Variants in MAP3K4 observed in about 807,000 individuals in gnomAD.
MAP3K4 encodes mitogen-activated protein kinase kinase kinase 4, also known as MAP three kinase 1.
MAP3K4 carries 67 observed loss-of-function variants against 185.6 expected under a neutral mutation model. The observed-to-expected ratio is 0.36, with a 90% CI of 0.30 to 0.44. The LOEUF (loss-of-function observed/expected upper bound fraction) is 0.44. Ranked by LOEUF, MAP3K4 falls within the 20% of genes least tolerant of loss-of-function variation. The pLI, the probability that MAP3K4 is intolerant of heterozygous loss-of-function variation, is 1.00. For missense variants in MAP3K4, 1,551 were observed against 1,995.1 expected, an observed-to-expected ratio of 0.78 and a Z score of 4.24; for synonymous variants, 702 against 710.4, an observed-to-expected ratio of 0.99 and a Z score of 0.19.
chr6:161,013,003 A>C (rs575804157), intron 1 of MAP3K4, among the ~76,000 whole-genome samples: 152 of 152,310 alleles, frequency 1.0e-3, no homozygotes, highest in African/African-American at 3.5e-3. Context: ...GGTACATACC[A>C]CAAGCTTTTC....
chr6:161,006,646 C>G (rs985451132), intron 1 of MAP3K4, among the ~76,000 whole-genome samples: 1 of 152,128 alleles, frequency 6.6e-6, no homozygotes, highest in Non-Finnish European at 1.5e-5. Context: ...GAATTGAGCT[C>G]TCTCCTTTAA....
At chr6:161,055,030 C>G (rs1784171752) in intron 3 of MAP3K4, among the ~76,000 whole-genome samples, 1 of 152,132 alleles carries the variant, frequency 6.6e-6, no homozygotes, top group South Asian at 2.1e-4. Flanking sequence ...TTCCACCTTG[C>G]TGTAATACCA....
chr6:161,018,631 A>G (rs552635027), intron 1 of MAP3K4, among the ~76,000 whole-genome samples: 70 of 152,322 alleles, frequency 4.6e-4, no homozygotes, highest in Non-Finnish European at 9.1e-4. Context: ...GAAGACAGTA[A>G]AATCCAGGTA....
At position 161,073,674 on chromosome 6, in the gene MAP3K4, C is replaced by G; in HGVS notation, c.2097+62C>G. On this transcript the variant is annotated intron_variant, in intron 5 of 26. Transcript: ENST00000392142. The surrounding 1 kb of genome is among the most constrained non-coding windows in gnomAD (Gnocchi z 4.2). ...TTGTTTCTTTTTTTAAAAAAGTAAG[C>G]CTGTATTTCCTTGTTTTGCAAACAG... 1 of 1,539,082 alleles carries G rather than the reference C, an allele frequency of 6.5e-7. No homozygotes were observed. Among genetic ancestry groups the G allele is most frequent in the Non-Finnish European group, 8.8e-7 (1 of 1,138,088 alleles).
At chr6:160,992,478 C>T (rs947211839) in intron 1 of MAP3K4, 3 of 228,324 alleles carry the variant, frequency 1.3e-5, no homozygotes, top group African/African-American at 2.3e-5. Context: ...CCTCTGCCCT[C>T]ATTCGAGTAA....
chr6:161,002,519 A>G (rs919560062), intron 1 of MAP3K4, among the ~76,000 whole-genome samples: 4 of 151,166 alleles, frequency 2.6e-5, no homozygotes, highest in Non-Finnish European at 5.9e-5. Flanking sequence ...TGTATCTATT[A>G]TGGAAAACTA....
rs1213557039 is a variant in MAP3K4, at chr6:161,080,107, G to T, written c.2098-774G>T. On this transcript the variant is annotated intron_variant, in intron 5 of 26. Coordinates refer to ENST00000392142, the MANE Select transcript of MAP3K4 (RefSeq NM_005922.4). The surrounding 1 kb of genome is among the most constrained non-coding windows in gnomAD (Gnocchi z 4.8). Reference sequence around the variant, plus strand: ...CTGAGTCACACTCGGGGTTGGAAGGGAGTGGAGTGATGTCTGAAAAGTTCC... The same window carrying T: ...CTGAGTCACACTCGGGGTTGGAAGGTAGTGGAGTGATGTCTGAAAAGTTCC... Among the ~76,000 whole-genome samples, 5 of 152,168 alleles carry T rather than the reference G, an allele frequency of 3.3e-5. No individual in the cohort carries two copies. The highest frequency in any genetic ancestry group is 5.9e-5 in the Non-Finnish European group (4 of 68,030).
intron 3 of MAP3K4, among the ~76,000 whole-genome samples, chr6:161,052,999 A>G (rs1784074272): frequency 6.6e-6 from 1 of 152,176 alleles, no homozygotes; most frequent in African/African-American, 2.4e-5. Context: ...GCTGAAAAAG[A>G]TAGGCGGTAA....
At chr6:161,050,982 T>C (rs1178304651) in intron 3 of MAP3K4, among the ~76,000 whole-genome samples, 2 of 152,230 alleles carry the variant, frequency 1.3e-5, no homozygotes, top group Non-Finnish European at 2.9e-5. Context: ...TGATGCAGTA[T>C]TTGCATATAA....
At position 161,109,134 on chromosome 6, in the gene MAP3K4, C is replaced by A; in HGVS notation, c.4236+275C>A. The A allele has an allele frequency of 2.5e-6, 2 of 816,026 alleles. No homozygotes were observed. Among genetic ancestry groups the A allele is most frequent in the South Asian group, 1.5e-5 (1 of 66,186 alleles). 50.5% of individuals were successfully genotyped at this position (816,026 alleles called of 1,614,324 possible). On this transcript the variant is annotated intron_variant, in intron 22 of 26. Coordinates refer to ENST00000392142, the MANE Select transcript of MAP3K4 (RefSeq NM_005922.4). The surrounding 1 kb of genome is among the most constrained non-coding windows in gnomAD (Gnocchi z 5.7). ...GATTCTTCTAAAACGCCCCTTACAC[C>A]ACTTCTTGTGACTTTTTTTCCGTTT...
intron 1 of MAP3K4, among the ~76,000 whole-genome samples, chr6:161,029,832 G>T (rs1030880760): frequency 1.3e-5 from 2 of 152,014 alleles, no homozygotes; most frequent in Non-Finnish European, 2.9e-5. Context: ...TGGATTTTGT[G>T]TATAAGTGTT....
Position 161,096,002 on chromosome 6 carries a change from C to A in MAP3K4, c.3428-1078C>A, listed in dbSNP as rs1189303538. ...TTGCTCAATTAAAGACTCACCAAAT[C>A]TTTTGTTTTTTTTTAACCTTTGTTA... On this transcript the variant is annotated intron_variant, in intron 15 of 26. Transcript: ENST00000392142. This position sits in a 1 kb window ranked among gnomAD's most constrained non-coding sequence, Gnocchi z 4.9. Among the ~76,000 whole-genome samples, 1 of 151,926 alleles carries A rather than the reference C, an allele frequency of 6.6e-6. No individual in the cohort carries two copies. Among genetic ancestry groups the A allele is most frequent in the African/African-American group, 2.4e-5 (1 of 41,368 alleles).
At position 161,102,755 on chromosome 6, in the gene MAP3K4, C is replaced by A. The variant is rs755068149; in HGVS notation, c.3832C>A (p.Arg1278=). The change falls in exon 19 of 27, where the codon CGG becomes AGG. Residue 1278 remains arginine (R), a synonymous_variant. Transcript: ENST00000392142. ...SGSTRRSWEL[R]TLISQSKDTA... ...GTCCACAAGAAGAAGTTGGGAACTTCGGACACTAATCAGCCAGAGTAAAGG... is the reference window on the plus strand; with the variant it reads ...GTCCACAAGAAGAAGTTGGGAACTTAGGACACTAATCAGCCAGAGTAAAGG... 1 of 1,580,818 alleles carries A rather than the reference C, an allele frequency of 6.3e-7. No homozygotes were observed. Among genetic ancestry groups the A allele is most frequent in the East Asian group, 2.3e-5 (1 of 43,600 alleles).
rs550673266 is a variant in MAP3K4 at position 161,043,948 on chromosome 6, C to T, written c.344-4668C>T. On this transcript the variant is annotated intron_variant, in intron 2 of 26. Transcript: ENST00000392142. This position sits in a 1 kb window ranked among gnomAD's most constrained non-coding sequence, Gnocchi z 4.3. ...AATTGCAAGAGTTTGATTAAAAATA[C>T]AATTAATACATATTCTAAAGAGCCA... 1.3e-5 allele frequency among the ~76,000 whole-genome samples: 2 copies of T among 152,234 alleles called. No homozygotes were observed. The highest frequency in any genetic ancestry group is 4.8e-5 in the African/African-American group (2 of 41,544).
rs751708483 is a variant in MAP3K4 at position 160,992,024 on chromosome 6, G to GCCA, written c.99_101dup (p.Pro36dup). On this transcript the variant is annotated inframe_insertion, in exon 1 of 27. Transcript: ENST00000392142. ...AGGAGCCGCCGCCACCGCCGCCGCC[G>GCCA]CCACCACCGCCACCGGAACCCGAGA... 107 of 1,556,856 alleles carry GCCA rather than the reference G, an allele frequency of 6.9e-5. No homozygotes were observed. In the South Asian group the frequency reaches 1.0e-3, roughly 15 times the overall value.
In MAP3K4 at chr6:161,100,456, T is replaced by C. The variant is rs535736902; in HGVS notation, c.3675-1436T>C. ...GGAAATATCTGTTCTGGGCTTAAGT[T>C]ATCTTATCATCGTTTGTAAAAACAC... On this transcript the variant is annotated intron_variant, in intron 17 of 26. Coordinates refer to ENST00000392142, the MANE Select transcript of MAP3K4 (RefSeq NM_005922.4). The surrounding 1 kb of genome is among the most constrained non-coding windows in gnomAD (Gnocchi z 5.8). 6.6e-6 allele frequency among the ~76,000 whole-genome samples: 1 copy of C among 152,358 alleles called. No homozygotes were observed. The highest frequency in any genetic ancestry group is 2.1e-4 in the South Asian group (1 of 4,826).
intron 1 of MAP3K4, among the ~76,000 whole-genome samples, chr6:161,005,290 C>A (rs1278216111): frequency 2.6e-5 from 4 of 151,976 alleles, no homozygotes; most frequent in Non-Finnish European, 5.9e-5. Context: ...AGGCACATGC[C>A]ACCATGCGTG....
In MAP3K4 at chr6:161,091,308, C is replaced by A; in HGVS notation, c.2974-71C>A. On this transcript the variant is annotated intron_variant, in intron 11 of 26. Transcript: ENST00000392142. The surrounding 1 kb of genome is among the most constrained non-coding windows in gnomAD (Gnocchi z 5.5). ...ATGTCTGTGTGATGATGAACGAAAT[C>A]TTCCTTTAAAATGTGGTAAGTATTG... 1 of 1,316,340 alleles carries A rather than the reference C, an allele frequency of 7.6e-7. No individual in the cohort carries two copies. Among genetic ancestry groups the A allele is most frequent in the East Asian group, 2.6e-5 (1 of 39,194 alleles). The allele number at this position is 1,316,340 out of a possible 1,614,324, so 81.5% of individuals were successfully genotyped here.
At chr6:161,000,201 G>A (rs1203267974) in intron 1 of MAP3K4, among the ~76,000 whole-genome samples, 2 of 152,118 alleles carry the variant, frequency 1.3e-5, no homozygotes, top group African/African-American at 4.8e-5. Context: ...TTCTTATTCT[G>A]TTCTATTAAA....
Sources: allele counts gnomAD v4.1 joint callset (sites outside exome capture counted in the v4.1 genomes callset), GRCh38; gene constraint gnomAD v4.1.1; non-coding constraint Gnocchi (gnomAD v3.1); transcripts MANE v1.5; gene names NCBI Gene and HGNC (gene_info 2026-07-23, HGNC 2026-07-21).